XYLT1: variants seen among roughly 807,000 people sequenced by gnomAD.
The protein encoded by XYLT1 is beta-D-xylosyltransferase 1.
XYLT1 carries 36 observed loss-of-function variants against 91.3 expected under a neutral mutation model. The ratio of observed to expected loss-of-function variants is 0.39; its 90% CI spans 0.30 to 0.52. The LOEUF (loss-of-function observed/expected upper bound fraction) is 0.52. Among genes scored for constraint, XYLT1 ranks in the 20% least tolerant of loss-of-function variants. XYLT1 has a pLI of 0.68. For synonymous variants in XYLT1, 588 were observed against 532.0 expected (o/e 1.11, Z -1.45); for missense variants, 1,242 against 1,284.5 (o/e 0.97, Z 0.51).
intron 5 of XYLT1, among the ~76,000 whole-genome samples, chr16:17,167,987 A>G (rs2031738561): frequency 2.0e-5 from 3 of 152,204 alleles, no homozygotes; most frequent in Admixed American, 2.0e-4. Flanking sequence ...CCTTACTGAC[A>G]TCTTCTCACC....
chr16:17,419,203 A>G (rs1368620225), intron 1 of XYLT1, among the ~76,000 whole-genome samples: 2 of 151,680 alleles, frequency 1.3e-5, no homozygotes, highest in African/African-American at 4.8e-5. Context: ...GAAGCCATCC[A>G]TGGTGGTGAA....
chr16:17,402,725 T>C (rs997114460), intron 1 of XYLT1, among the ~76,000 whole-genome samples: 3 of 150,808 alleles, frequency 2.0e-5, no homozygotes, highest in Admixed American at 1.3e-4. Context: ...TGTTTTACTA[T>C]ATCCTTTTTT....
At chr16:17,394,328 C>A (rs903208628) in intron 1 of XYLT1, among the ~76,000 whole-genome samples, 24 of 152,174 alleles carry the variant, frequency 1.6e-4, no homozygotes, top group African/African-American at 5.3e-4. Context: ...TTGCAGTTCA[C>A]GGAGAACAGA....
intron 2 of XYLT1, among the ~76,000 whole-genome samples, chr16:17,333,504 T>A (rs991489401): frequency 3.9e-5 from 6 of 152,068 alleles, no homozygotes; most frequent in African/African-American, 4.8e-5. Flanking sequence ...TTGTTTAGAA[T>A]GATGATTCTG....
intron 2 of XYLT1, among the ~76,000 whole-genome samples, chr16:17,310,557 G>A (rs2034531471): frequency 6.6e-6 from 1 of 152,108 alleles, no homozygotes; most frequent in Admixed American, 6.5e-5. Flanking sequence ...GTGCATAAAT[G>A]GGGAAAAGGC....
At chr16:17,369,293 C>T (rs377191476) in intron 1 of XYLT1, among the ~76,000 whole-genome samples, 1 of 151,906 alleles carries the variant, frequency 6.6e-6, no homozygotes, top group Non-Finnish European at 1.5e-5. Context: ...CTAAGCCTGG[C>T]TAATTTTTGA....
At chr16:17,230,429 A>G (rs2033140759) in intron 3 of XYLT1, among the ~76,000 whole-genome samples, 2 of 152,192 alleles carry the variant, frequency 1.3e-5, no homozygotes, top group Admixed American at 1.3e-4. Flanking sequence ...CCATTTTAAC[A>G]GCATTTCCTG....
chr16:17,184,623 C>A (rs2032144632), intron 5 of XYLT1, among the ~76,000 whole-genome samples: 1 of 152,180 alleles, frequency 6.6e-6, no homozygotes, highest in Non-Finnish European at 1.5e-5. Flanking sequence ...TCAATGGCCA[C>A]CTGTGGCTAA....
rs1966746160 is a variant in XYLT1 at position 17,104,303 on chromosome 16, A to G, written c.*4392T>C. The G allele has an allele frequency of 6.6e-6, 1 of 152,370 alleles. No individual in the cohort carries two copies. The highest frequency in any genetic ancestry group is 1.5e-5 in the Non-Finnish European group (1 of 68,118). The allele number at this position is 152,370 out of a possible 1,614,324, so 9.4% of individuals were successfully genotyped here. Reference sequence around the variant, plus strand: ...GGTTTGATGGAGTCCCACAAGCTGTAGCCCCAGGCAGATGTGGACCTCTGC... The same window carrying G: ...GGTTTGATGGAGTCCCACAAGCTGTGGCCCCAGGCAGATGTGGACCTCTGC... On this transcript the variant is annotated 3_prime_UTR_variant, in exon 12 of 12. Coordinates refer to ENST00000261381, the MANE Select transcript of XYLT1 (RefSeq NM_022166.4).
At chr16:17,134,449 C>CTCTGCATCCCATAT (rs754681068) in intron 9 of XYLT1, 24 bp downstream of exon 9, 1 of 1,612,396 alleles carries the variant, frequency 6.2e-7, no homozygotes, top group East Asian at 2.2e-5. Context: ...CAGCTCTCCT[C>CTCTGCATCCCATAT]TCTGCATCCC....
chr16:17,442,667 G>A (rs1034571637), intron 1 of XYLT1, among the ~76,000 whole-genome samples: 1 of 152,128 alleles, frequency 6.6e-6, no homozygotes, highest in Non-Finnish European at 1.5e-5. Flanking sequence ...GAGGGGGCAA[G>A]GACCACCCCA....
At chr16:17,273,410 C>G (rs2033924426) in intron 2 of XYLT1, among the ~76,000 whole-genome samples, 1 of 152,332 alleles carries the variant, frequency 6.6e-6, no homozygotes, top group South Asian at 2.1e-4. Context: ...CCCTTGCAAC[C>G]AAGTGTGGAC....
intron 2 of XYLT1, among the ~76,000 whole-genome samples, chr16:17,344,348 C>A (rs1004641760): frequency 7.9e-5 from 12 of 151,118 alleles, no homozygotes; most frequent in Non-Finnish European, 1.3e-4. Flanking sequence ...AAAAAATTAG[C>A]CGGGCGTGGT....
rs541327792 is a variant in XYLT1, at chr16:17,170,596, A to G, written c.1290-11687T>C. 2.6e-5 allele frequency among the ~76,000 whole-genome samples: 4 copies of G among 152,296 alleles called. No homozygotes were observed. The South Asian group carries it at 8.3e-4, about 32-fold the overall frequency. ...TGCTTGCCTTTGCAAAAGCTGGCTC[A>G]ATGTCAGTTCCACTGGGAAAGGCTG... On this transcript the variant is annotated intron_variant, in intron 5 of 11. Transcript: ENST00000261381.
intron 6 of XYLT1, among the ~76,000 whole-genome samples, chr16:17,147,580 C>A (rs2031168799): frequency 6.6e-6 from 1 of 152,202 alleles, no homozygotes; most frequent in Admixed American, 6.5e-5. Flanking sequence ...TGATATGCTG[C>A]AAACGCATGC....
intron 1 of XYLT1, among the ~76,000 whole-genome samples, chr16:17,408,469 G>A (rs947520540): frequency 2.0e-5 from 3 of 152,192 alleles, no homozygotes; most frequent in African/African-American, 7.2e-5. Flanking sequence ...ACTAGTTCCA[G>A]CTTCAAACTG....
At chr16:17,279,260 A>T (rs1479847211) in intron 2 of XYLT1, among the ~76,000 whole-genome samples, 3 of 152,246 alleles carry the variant, frequency 2.0e-5, no homozygotes, top group African/African-American at 7.2e-5. Flanking sequence ...CAGGTTTCCC[A>T]GCTGTAGCCA....
At chr16:17,185,389 T>C (rs568358555) in intron 5 of XYLT1, among the ~76,000 whole-genome samples, 1 of 151,814 alleles carries the variant, frequency 6.6e-6, no homozygotes, top group East Asian at 1.9e-4. Context: ...TGGGTGGAGG[T>C]TTTATTGGAT....
At chr16:17,171,741 G>A (rs1426212009) in intron 5 of XYLT1, among the ~76,000 whole-genome samples, 3 of 152,254 alleles carry the variant, frequency 2.0e-5, no homozygotes, top group Admixed American at 1.3e-4. Context: ...TTGGGGCTGG[G>A]CAGCTGGGGC....
Sources: gnomAD v4.1 joint callset for allele counts (sites outside exome capture counted in the v4.1 genomes callset) on GRCh38, gnomAD v4.1.1 for gene constraint, MANE v1.5 for transcripts, NCBI Gene and HGNC (gene_info 2026-07-23, HGNC 2026-07-21) for gene names.